The following ROBO2 variants were observed in gnomAD, a reference collection of about 807,000 sequenced individuals.
The protein encoded by ROBO2 is roundabout guidance receptor 2, also known as roundabout homolog 2.
Under a neutral mutation model 160.8 loss-of-function variants are expected in ROBO2, and 53 were observed. The ratio of observed to expected loss-of-function variants is 0.33; its 90% confidence interval spans 0.26 to 0.41. The LOEUF (loss-of-function observed/expected upper bound fraction) is 0.41. Ranked by LOEUF, ROBO2 falls within the 10% of genes least tolerant of loss-of-function variation. The pLI, the probability that ROBO2 is intolerant of heterozygous loss-of-function variation, is 1.00. For missense variants in ROBO2, 1,577 were observed against 1,722.4 expected (o/e 0.92, Z 1.49); for synonymous variants, 664 against 611.7 (o/e 1.09, Z -1.26).
chr3:76,037,682 C>A (rs943654509), intron 2 of ROBO2, among the ~76,000 whole-genome samples: 6 of 151,896 alleles, frequency 4.0e-5, no homozygotes, highest in African/African-American at 1.2e-4. Context: ...ATAATCTGTT[C>A]CCCTGCCCCC....
At chr3:76,823,801 A>G (rs1484112057) in intron 2 of ROBO2, among the ~76,000 whole-genome samples, 4 of 152,204 alleles carry the variant, frequency 2.6e-5, no homozygotes, top group African/African-American at 7.2e-5. Flanking sequence ...TAATATTTTA[A>G]CATGTATGAG....
At chr3:77,337,394 G>C (rs570761345) in intron 2 of ROBO2, among the ~76,000 whole-genome samples, 1 of 152,024 alleles carries the variant, frequency 6.6e-6, no homozygotes, top group South Asian at 2.1e-4. Flanking sequence ...AGCCAATTCT[G>C]TTCATGGTTA....
chr3:76,644,244 A>G lies in ROBO2; in HGVS notation c.110-453770A>G, dbSNP rs187320854. 1.1e-4 allele frequency among the ~76,000 whole-genome samples: 17 copies of G among 152,306 alleles called. No homozygotes were observed. The East Asian group carries it at 3.1e-3, about 28-fold the overall frequency. On this transcript the variant is annotated intron_variant, in intron 2 of 26. Coordinates refer to the ROBO2 transcript ENST00000487694. ...GCAGGAAAACCCTGCCATGACTGAA[A>G]CTATCCACATTTGAAAAGCAAGTGG...
Position 76,557,978 on chromosome 3 carries a change from C to A in ROBO2, c.110-540036C>A, listed in dbSNP as rs373909334. On this transcript the variant is annotated intron_variant, in intron 2 of 26. Coordinates refer to the ROBO2 transcript ENST00000487694. The stretch of plus-strand genomic sequence containing the variant: ...AGTTATCATGCGGATAATGGGGAGG[C>A]ATTCAACTATTTTGAACTAATTTCT... Among the ~76,000 whole-genome samples, 41 of 149,014 alleles carry A rather than the reference C, an allele frequency of 2.8e-4. 2 individuals are homozygous for A. Among genetic ancestry groups the A allele is most frequent in the South Asian group, 2.6e-3 (12 of 4,546 alleles).
chr3:76,754,858 AT>A (rs1318112128), intron 2 of ROBO2, among the ~76,000 whole-genome samples: 1 of 151,876 alleles, frequency 6.6e-6, no homozygotes, highest in East Asian at 2.0e-4. Flanking sequence ...TTGCAAAATA[AT>A]TTAGGAATTT....
At chr3:76,749,405 T>C (rs2093943816) in intron 2 of ROBO2, among the ~76,000 whole-genome samples, 1 of 152,004 alleles carries the variant, frequency 6.6e-6, no homozygotes, top group South Asian at 2.1e-4. Flanking sequence ...CATGAAATTA[T>C]TTTTTATTGG....
chr3:76,037,430 G>A lies in ROBO2; in HGVS notation c.109+99828G>A, dbSNP rs2067146248. On this transcript the variant is annotated intron_variant, in intron 2 of 26. Transcript: ENST00000487694. The stretch of plus-strand genomic sequence containing the variant: ...CCACCACCATGCCTGGCTAATTTTT[G>A]TATTTTTACTAGAGACGGGGTTTCA... 1.3e-5 allele frequency among the ~76,000 whole-genome samples: 2 copies of A among 151,592 alleles called. 1 individual carries two copies. Among genetic ancestry groups the A allele is most frequent in the African/African-American group, 4.9e-5 (2 of 41,108 alleles).
At chr3:76,314,680 T>A (rs2071858395) in intron 2 of ROBO2, among the ~76,000 whole-genome samples, 1 of 152,172 alleles carries the variant, frequency 6.6e-6, no homozygotes, top group Admixed American at 6.5e-5. Flanking sequence ...TCCTTACGAT[T>A]TTCTTAATAA....
At chr3:76,560,209 A>G (rs2084078643) in intron 2 of ROBO2, among the ~76,000 whole-genome samples, 1 of 152,102 alleles carries the variant, frequency 6.6e-6, no homozygotes, top group South Asian at 2.1e-4. Flanking sequence ...CTGTGCTGCA[A>G]TGCATGATCT....
At chr3:76,163,680 A>G (rs1041091006) in intron 2 of ROBO2, among the ~76,000 whole-genome samples, 1 of 152,040 alleles carries the variant, frequency 6.6e-6, no homozygotes, top group African/African-American at 2.4e-5. Flanking sequence ...GCATATCAAA[A>G]CAATGTTTAC....
chr3:76,219,062 A>C (rs1280938292), intron 2 of ROBO2, among the ~76,000 whole-genome samples: 1 of 152,226 alleles, frequency 6.6e-6, no homozygotes. Context: ...AGCAATGGGG[A>C]AAGGATTCCC....
At chr3:77,280,326 C>A (rs2060161263) in intron 2 of ROBO2, among the ~76,000 whole-genome samples, 1 of 152,166 alleles carries the variant, frequency 6.6e-6, no homozygotes. Flanking sequence ...ATGTTCCCTG[C>A]AAAATGGTTA....
intron 2 of ROBO2, among the ~76,000 whole-genome samples, chr3:76,253,990 G>A (rs1015930026): frequency 6.6e-6 from 1 of 151,994 alleles, no homozygotes; most frequent in Non-Finnish European, 1.5e-5. Context: ...GATGTAATGT[G>A]ATATGCTATG....
intron 2 of ROBO2, among the ~76,000 whole-genome samples, chr3:76,805,550 T>G (rs1274002818): frequency 6.6e-6 from 1 of 151,924 alleles, no homozygotes; most frequent in East Asian, 1.9e-4. Context: ...TTTCAACAAA[T>G]GTATATATTT....
intron 2 of ROBO2, 124 bp downstream of exon 2, chr3:77,098,464 T>C (rs2071400859): frequency 9.9e-7 from 1 of 1,011,140 alleles, no homozygotes; most frequent in Admixed American, 2.0e-5. Context: ...TTTTACTTGG[T>C]CTTCTTCAGA....
chr3:76,558,238 C>T (rs1171917823), intron 2 of ROBO2, among the ~76,000 whole-genome samples: 1 of 152,020 alleles, frequency 6.6e-6, no homozygotes, highest in Non-Finnish European at 1.5e-5. Context: ...GTCTTCTCTT[C>T]TGACACTTTT....
intron 2 of ROBO2, among the ~76,000 whole-genome samples, chr3:76,586,331 G>A (rs76332469): frequency 0.016 from 2,379 of 152,262 alleles, 35 homozygotes; most frequent in Non-Finnish European, 0.024. Context: ...CTATTTTCAA[G>A]TGCTTCGATA....
At chr3:77,091,798 A>T (rs927178628) in intron 1 of ROBO2, among the ~76,000 whole-genome samples, 3 of 151,670 alleles carry the variant, frequency 2.0e-5, no homozygotes, top group African/African-American at 7.3e-5. Flanking sequence ...GGCCAATATG[A>T]CGAAAATCCG....
At chr3:76,341,155 A>G (rs1228792548) in intron 2 of ROBO2, among the ~76,000 whole-genome samples, 1 of 152,090 alleles carries the variant, frequency 6.6e-6, no homozygotes, top group Non-Finnish European at 1.5e-5. Flanking sequence ...ACTTGTCAGA[A>G]ATGCTACCAT....
Sources: allele counts gnomAD v4.1 joint callset (sites outside exome capture counted in the v4.1 genomes callset), GRCh38; gene constraint gnomAD v4.1.1; transcripts MANE v1.5; gene names NCBI Gene and HGNC (gene_info 2026-07-23, HGNC 2026-07-21).